Variants in GRIK4 observed in about 807,000 individuals in gnomAD.
GRIK4 encodes the protein glutamate ionotropic receptor kainate type subunit 4, also known as glutamate receptor ionotropic, kainate 4.
A neutral mutation model predicts 104.9 loss-of-function variants in GRIK4; 40 were observed. The observed-to-expected ratio is 0.38, with a 90% confidence interval of 0.30 to 0.50. GRIK4 has a LOEUF of 0.50. Among genes scored for constraint, GRIK4 ranks in the 20% least tolerant of loss-of-function variants. The pLI, the probability that GRIK4 is intolerant of heterozygous loss-of-function variation, is 0.93. For synonymous variants in GRIK4, 485 were observed against 524.9 expected, an observed-to-expected ratio of 0.92 and a Z score of 1.04; for missense variants, 1,047 against 1,308.1, an observed-to-expected ratio of 0.80 and a Z score of 3.08.
intron 1 of GRIK4, among the ~76,000 whole-genome samples, chr11:120,519,096 C>T (rs528829316): frequency 5.9e-5 from 9 of 152,140 alleles, no homozygotes; most frequent in Non-Finnish European, 1.0e-4. Context: ...TGTGGGGGCA[C>T]GGATAGGGCC....
intron 13 of GRIK4, among the ~76,000 whole-genome samples, chr11:120,913,958 A>G (rs1335524880): frequency 2.0e-5 from 3 of 152,176 alleles, no homozygotes; most frequent in African/African-American, 7.2e-5. Flanking sequence ...TCTATTCAGC[A>G]TTCTTTAAAA....
rs566457386 is a variant in GRIK4 at position 120,538,131 on chromosome 11, C to T, written c.-159+26244C>T. On this transcript the variant is annotated intron_variant, in intron 1 of 20. Transcript: ENST00000527524. ...TAGGAATACGAAGATGCTTGCTTTC[C>T]GGCCTGACCTGCTCACGGCCTCTGG... Among the ~76,000 whole-genome samples the T allele has an allele frequency of 4.6e-5, 7 of 152,338 alleles. No homozygotes were observed. In the East Asian group the frequency reaches 5.8e-4, roughly 13 times the overall value.
intron 3 of GRIK4, among the ~76,000 whole-genome samples, chr11:120,734,203 CA>C (rs1428040927): frequency 1.5e-5 from 1 of 65,282 alleles, no homozygotes; most frequent in Admixed American, 1.4e-4. Flanking sequence ...CTACCTTTAG[CA>C]TTTTTTTGTA....
intron 8 of GRIK4, among the ~76,000 whole-genome samples, chr11:120,850,141 A>G (rs1234813052): frequency 1.3e-5 from 2 of 152,094 alleles, no homozygotes; most frequent in African/African-American, 2.4e-5. Flanking sequence ...CTTAGTTCAT[A>G]TCTCCTTGGC....
chr11:120,927,795 A>G (rs1943386526), intron 13 of GRIK4, among the ~76,000 whole-genome samples: 1 of 152,188 alleles, frequency 6.6e-6, no homozygotes, highest in South Asian at 2.1e-4. Context: ...AGATACCACT[A>G]TAGCACAAAA....
chr11:120,576,039 C>T lies in GRIK4; in HGVS notation c.-159+64152C>T, dbSNP rs534754382. On this transcript the variant is annotated intron_variant, in intron 1 of 20. Coordinates refer to ENST00000527524, the MANE Select transcript of GRIK4 (RefSeq NM_014619.5). ...GCAGCCCCTTTTATTTTCTGGGAGG[C>T]AACCATAGGAAAACAAAGTGTGAGT... 22 of 151,680 alleles carry T rather than the reference C, an allele frequency of 1.5e-4. No individual in the cohort carries two copies. In the South Asian group the frequency reaches 4.6e-3, roughly 32 times the overall value. The allele number at this position is 151,680 out of a possible 1,614,324, so 9.4% of individuals were successfully genotyped here. A position where few individuals can be genotyped will look rare whatever the true frequency, so the allele number is the denominator to read the frequency against.
chr11:120,838,895 T>G (rs1953649016), intron 8 of GRIK4, among the ~76,000 whole-genome samples: 1 of 152,190 alleles, frequency 6.6e-6, no homozygotes, highest in African/African-American at 2.4e-5. Flanking sequence ...CAAGCCATTC[T>G]CCTGCCTCCG....
chr11:120,582,234 CTTTG>C (rs1948593337), intron 1 of GRIK4, among the ~76,000 whole-genome samples: 1 of 149,054 alleles, frequency 6.7e-6, no homozygotes, highest in Non-Finnish European at 1.5e-5. Context: ...TAATAACAGT[CTTTG>C]TTTCTTTTTT....
intron 3 of GRIK4, among the ~76,000 whole-genome samples, chr11:120,786,449 C>T (rs1952276075): frequency 6.6e-6 from 1 of 152,222 alleles, no homozygotes; most frequent in Non-Finnish European, 1.5e-5. Flanking sequence ...GGGTGTTACT[C>T]CCTTTCCTGT....
rs565478968 is a variant in GRIK4 at position 120,918,591 on chromosome 11, A to AT, written c.1476+13105dup. ...GGGATGGGGGGGTATCTACTTGTCGATTTTTTTCCTACAAAAATGCCTTTA... is the reference window on the plus strand; with the variant it reads ...GGGATGGGGGGGTATCTACTTGTCGATTTTTTTTCCTACAAAAATGCCTTTA... On this transcript the variant is annotated intron_variant, in intron 13 of 20. Coordinates refer to ENST00000527524, the MANE Select transcript of GRIK4 (RefSeq NM_014619.5). Among the ~76,000 whole-genome samples, 378 of 152,098 alleles carry AT rather than the reference A, an allele frequency of 2.5e-3. 2 individuals carry two copies. The highest frequency in any genetic ancestry group is 8.3e-3 in the African/African-American group (346 of 41,476).
At chr11:120,864,165 G>A (rs1954332377) in intron 9 of GRIK4, among the ~76,000 whole-genome samples, 1 of 151,904 alleles carries the variant, frequency 6.6e-6, no homozygotes, top group Non-Finnish European at 1.5e-5. Flanking sequence ...TCTCCCAGCT[G>A]CGTCTGCTGT....
In GRIK4 at chr11:120,514,187, C is replaced by T. The variant is rs138569660; in HGVS notation, c.-159+2300C>T. Among the ~76,000 whole-genome samples the T allele has an allele frequency of 4.4e-3, 666 of 152,230 alleles. 9 individuals carry two copies. Among genetic ancestry groups the T allele is most frequent in the African/African-American group, 0.014 (600 of 41,536 alleles). On this transcript the variant is annotated intron_variant, in intron 1 of 20. Coordinates refer to ENST00000527524, the MANE Select transcript of GRIK4 (RefSeq NM_014619.5). ...TTGTGTGGCTGGCGAGGGTGGGCAGCGCCAAGCGTGTGTGGGAAGGATGCA... is the reference window on the plus strand; with the variant it reads ...TTGTGTGGCTGGCGAGGGTGGGCAGTGCCAAGCGTGTGTGGGAAGGATGCA...
At chr11:120,649,799 G>C (rs1949594361) in intron 1 of GRIK4, among the ~76,000 whole-genome samples, 1 of 152,192 alleles carries the variant, frequency 6.6e-6, no homozygotes, top group Non-Finnish European at 1.5e-5. Flanking sequence ...TATTTATCTG[G>C]AGGTGATTAA....
intron 13 of GRIK4, among the ~76,000 whole-genome samples, chr11:120,923,404 ATT>A (rs775194642): frequency 0.025 from 2,050 of 81,622 alleles, 42 homozygotes; most frequent in African/African-American, 0.098. Flanking sequence ...CCATTTGCTC[ATT>A]TTTTTTTTTT....
intron 11 of GRIK4, among the ~76,000 whole-genome samples, chr11:120,879,664 T>C (rs1486097761): frequency 6.6e-6 from 1 of 152,246 alleles, no homozygotes; most frequent in Non-Finnish European, 1.5e-5. Context: ...GACAATTCCC[T>C]GTTGTGCCCT....
chr11:120,897,601 C>CAAAAAAAAAA (rs56807699), intron 11 of GRIK4, among the ~76,000 whole-genome samples: 6 of 13,058 alleles, frequency 4.6e-4, no homozygotes, highest in Non-Finnish European at 6.7e-4. Context: ...GACTCCTTCT[C>CAAAAAAAAAA]AAAAAAAAAA....
At chr11:120,740,862 C>T (rs1951315096) in intron 3 of GRIK4, among the ~76,000 whole-genome samples, 1 of 152,210 alleles carries the variant, frequency 6.6e-6, no homozygotes, top group South Asian at 2.1e-4. Flanking sequence ...TCTCCTGGGT[C>T]ATTCTCACCT....
chr11:120,666,294 G>A (rs1028969630), intron 3 of GRIK4, among the ~76,000 whole-genome samples: 3 of 152,166 alleles, frequency 2.0e-5, no homozygotes, highest in Admixed American at 2.0e-4. Context: ...AGAGGTGAGT[G>A]GTCAGGTCAG....
chr11:120,598,308 G>A (rs900886856), intron 1 of GRIK4, among the ~76,000 whole-genome samples: 10 of 152,170 alleles, frequency 6.6e-5, no homozygotes, highest in African/African-American at 2.4e-4. Flanking sequence ...AGGAAACTGA[G>A]GCTCACAGAG....
Sources: gnomAD v4.1 joint callset for allele counts (sites outside exome capture counted in the v4.1 genomes callset) on GRCh38, gnomAD v4.1.1 for gene constraint, MANE v1.5 for transcripts, NCBI Gene and HGNC (gene_info 2026-07-23, HGNC 2026-07-21) for gene names.